The following SMAD3 variants were observed in gnomAD, a reference collection of about 807,000 sequenced individuals.
SMAD3 encodes the protein MAD homolog 3.
A neutral mutation model predicts 51.8 loss-of-function variants in SMAD3; 12 were observed. That is an observed-to-expected ratio of 0.23 (90% CI 0.15 to 0.38). The LOEUF is 0.38. Ranked by LOEUF, SMAD3 falls within the 10% of genes least tolerant of loss-of-function variation. The pLI is 1.00. For missense variants in SMAD3, 294 were observed against 565.6 expected, an observed-to-expected ratio of 0.52 and a Z score of 4.87; for synonymous variants, 238 against 227.7, an observed-to-expected ratio of 1.05 and a Z score of -0.41.
intron 1 of SMAD3, among the ~76,000 whole-genome samples, chr15:67,073,185 CTT>C (rs1490356268): frequency 2.6e-5 from 4 of 152,210 alleles, no homozygotes; most frequent in Non-Finnish European, 5.9e-5. Context: ...CTCTCTCTCT[CTT>C]TCTCTTTCTC....
chr15:67,067,738 AG>A (rs1959959853), intron 1 of SMAD3, among the ~76,000 whole-genome samples: 1 of 152,112 alleles, frequency 6.6e-6, no homozygotes, highest in Non-Finnish European at 1.5e-5. Flanking sequence ...CAGTCAATAA[AG>A]GGGGAGGGAA....
intron 1 of SMAD3, among the ~76,000 whole-genome samples, chr15:67,105,155 G>T (rs148582343): frequency 6.6e-6 from 1 of 152,210 alleles, no homozygotes; most frequent in Non-Finnish European, 1.5e-5. Context: ...CAGCTCTGTT[G>T]TGTGACCTTA....
intron 1 of SMAD3, among the ~76,000 whole-genome samples, chr15:67,109,689 G>T (rs1960958802): frequency 6.6e-6 from 1 of 152,226 alleles, no homozygotes; most frequent in African/African-American, 2.4e-5. Flanking sequence ...ATGGACAAGG[G>T]ATGAGTAAAA....
intron 1 of SMAD3, among the ~76,000 whole-genome samples, chr15:67,161,308 G>C (rs1962425465): frequency 6.6e-6 from 1 of 152,054 alleles, no homozygotes; most frequent in African/African-American, 2.4e-5. Context: ...TTACCATACT[G>C]CCTTGATTAT....
rs886051408 is a variant in SMAD3, at chr15:67,192,367, G to A, written c.*1831G>A. 1 of 233,118 alleles carries A rather than the reference G, an allele frequency of 4.3e-6. No individual in the cohort carries two copies. The highest frequency in any genetic ancestry group is 2.2e-5 in the African/African-American group (1 of 45,308). The allele number at this position is 233,118 out of a possible 1,614,324, so 14.4% of individuals were successfully genotyped here. ...GTGTGAGTCTTCTCGAAGGAGGGTTGACTCAGAACCCAGAGACAATACAAA... is the reference window on the plus strand; with the variant it reads ...GTGTGAGTCTTCTCGAAGGAGGGTTAACTCAGAACCCAGAGACAATACAAA... On this transcript the variant is annotated 3_prime_UTR_variant, in exon 9 of 9. Coordinates refer to ENST00000327367, the MANE Select transcript of SMAD3 (RefSeq NM_005902.4).
At chr15:67,187,746 C>T (rs530149373) in intron 8 of SMAD3, among the ~76,000 whole-genome samples, 6 of 152,338 alleles carry the variant, frequency 3.9e-5, no homozygotes, top group East Asian at 1.9e-4. Context: ...TGTAAACACA[C>T]GCTCCATCTT....
At chr15:67,131,106 A>C (rs1015187600) in intron 1 of SMAD3, among the ~76,000 whole-genome samples, 1 of 152,218 alleles carries the variant, frequency 6.6e-6, no homozygotes, top group African/African-American at 2.4e-5. Context: ...TCACTCCACA[A>C]ATATTCACGT....
Position 67,117,637 on chromosome 15 carries a change from G to T in SMAD3, c.207-47258G>T, listed in dbSNP as rs185753739. On this transcript the variant is annotated intron_variant, in intron 1 of 8. Coordinates refer to ENST00000327367, the MANE Select transcript of SMAD3 (RefSeq NM_005902.4). Reference sequence around the variant, plus strand: ...AAGTCCTCCAAGCTCTTGTGAAAGAGATGTGGTTTGTCGAGCATGGATTTT... The same window carrying T: ...AAGTCCTCCAAGCTCTTGTGAAAGATATGTGGTTTGTCGAGCATGGATTTT... Among the ~76,000 whole-genome samples the T allele has an allele frequency of 3.9e-5, 6 of 152,324 alleles. No homozygotes were observed. The East Asian group carries it at 1.2e-3, about 29-fold the overall frequency.
intron 1 of SMAD3, among the ~76,000 whole-genome samples, chr15:67,123,091 G>A (rs939626394): frequency 1.3e-5 from 2 of 151,362 alleles, no homozygotes; most frequent in East Asian, 1.9e-4. Flanking sequence ...TCAGCTACTC[G>A]GGAGGCTGCA....
intron 1 of SMAD3, among the ~76,000 whole-genome samples, chr15:67,085,032 G>A (rs1337603300): frequency 6.6e-6 from 1 of 152,200 alleles, no homozygotes; most frequent in Non-Finnish European, 1.5e-5. Flanking sequence ...TATATTCTTT[G>A]AGGATTATGA....
intron 1 of SMAD3, chr15:67,125,874 G>T: frequency 1.0e-6 from 1 of 985,440 alleles, no homozygotes; most frequent in Non-Finnish European, 1.2e-6. Flanking sequence ...GCCGCCGCTC[G>T]CTTCACCAGG....
At chr15:67,072,725 A>C (rs1467168649) in intron 1 of SMAD3, among the ~76,000 whole-genome samples, 1 of 152,130 alleles carries the variant, frequency 6.6e-6, no homozygotes, top group Admixed American at 6.5e-5. Context: ...CTCCTCCCTA[A>C]GGAGGGGTAT....
intron 6 of SMAD3, among the ~76,000 whole-genome samples, chr15:67,183,027 ATATATTT>A (rs1470415099): frequency 1.3e-4 from 8 of 63,850 alleles, no homozygotes; most frequent in East Asian, 6.1e-4. Context: ...ATATATATAT[ATATATTT>A]TTTTTTTTTT....
Position 67,193,761 on chromosome 15 carries a change from A to G in SMAD3, c.*3225A>G, listed in dbSNP as rs182172002. ...CATCGTTAATATACTGAAGTGAGCT[A>G]TAGCACATATCATGTGCTTAGTTTG... is the stretch of plus-strand genomic sequence containing the variant. On this transcript the variant is annotated 3_prime_UTR_variant, in exon 9 of 9. Transcript: ENST00000327367. 1.1e-4 allele frequency: 26 copies of G among 233,170 alleles called. No homozygotes were observed. The highest frequency in any genetic ancestry group is 5.1e-4 in the African/African-American group (23 of 45,324). 14.4% of individuals were successfully genotyped at this position (233,170 alleles called of 1,614,324 possible). A position where few individuals can be genotyped will look rare whatever the true frequency, so the allele number is the denominator to read the frequency against.
intron 1 of SMAD3, among the ~76,000 whole-genome samples, chr15:67,129,688 GTAAAGA>G (rs1961475690): frequency 6.6e-6 from 1 of 152,194 alleles, no homozygotes; most frequent in Non-Finnish European, 1.5e-5. Context: ...ATGTTAAAAT[GTAAAGA>G]GAGGGTGAAA....
At chr15:67,169,969 T>C (rs1962700716) in intron 4 of SMAD3, among the ~76,000 whole-genome samples, 1 of 152,188 alleles carries the variant, frequency 6.6e-6, no homozygotes. Flanking sequence ...ATAAAGTGTT[T>C]GTCTGGTTGC....
intron 3 of SMAD3, 101 bp downstream of exon 3, chr15:67,165,485 G>A (rs535724205): frequency 3.4e-4 from 471 of 1,400,560 alleles, no homozygotes; most frequent in Non-Finnish European, 4.1e-4. Flanking sequence ...GCCGTCCCCC[G>A]CTCACCCCCT....
chr15:67,102,240 C>A (rs898545614), intron 1 of SMAD3, among the ~76,000 whole-genome samples: 2 of 49,734 alleles, frequency 4.0e-5, no homozygotes, highest in African/African-American at 1.2e-4. Context: ...GGGGGAAATG[C>A]TGTGAAAGTG....
intron 1 of SMAD3, among the ~76,000 whole-genome samples, chr15:67,123,096 G>T (rs1961304615): frequency 6.6e-6 from 1 of 151,296 alleles, no homozygotes; most frequent in Non-Finnish European, 1.5e-5. Context: ...TACTCGGGAG[G>T]CTGCAGTGTA....
Sources: gnomAD v4.1 joint callset for allele counts (sites outside exome capture counted in the v4.1 genomes callset) on GRCh38, gnomAD v4.1.1 for gene constraint, MANE v1.5 for transcripts, NCBI Gene and HGNC (gene_info 2026-07-23, HGNC 2026-07-21) for gene names.